The following ABHD18 variants were observed in gnomAD, a reference collection of about 807,000 sequenced individuals.
ABHD18 encodes the protein cardiolipin-specific deacylase, mitochondrial.
ABHD18 carries 55 observed loss-of-function variants against 65.9 expected under a neutral mutation model. The ratio of observed to expected loss-of-function variants is 0.84; its 90% confidence interval spans 0.67 to 1.05. The LOEUF (loss-of-function observed/expected upper bound fraction) is 1.05, where lower values mean the gene tolerates loss of function less well. Ranked by LOEUF, ABHD18 falls within the 50% of genes least tolerant of loss-of-function variation. ABHD18 has a pLI of 0.00. For synonymous variants in ABHD18, 181 were observed against 180.2 expected (o/e 1.00, Z -0.04); for missense variants, 533 against 558.5 (o/e 0.95, Z 0.46).
At chr4:128,011,186 G>A (rs868534032) in intron 6 of ABHD18, among the ~76,000 whole-genome samples, 13 of 143,268 alleles carry the variant, frequency 9.1e-5, no homozygotes, top group South Asian at 2.2e-4. Context: ...TCTCGCTGTC[G>A]CCCCAGGCTG....
At chr4:128,005,777 T>C (rs1293138542) in intron 4 of ABHD18, among the ~76,000 whole-genome samples, 1 of 152,218 alleles carries the variant, frequency 6.6e-6, no homozygotes, top group Non-Finnish European at 1.5e-5. Flanking sequence ...CATGAGATTT[T>C]AGAAGCGGGA....
At chr4:127,997,681 G>A (rs1404779506) in intron 4 of ABHD18, among the ~76,000 whole-genome samples, 2 of 152,264 alleles carry the variant, frequency 1.3e-5, no homozygotes, top group South Asian at 2.1e-4. Context: ...ACCACCTGGC[G>A]GCAGTAGGCA....
chr4:128,013,439 G>A (rs940005206), intron 7 of ABHD18, among the ~76,000 whole-genome samples: 1 of 152,036 alleles, frequency 6.6e-6, no homozygotes, highest in African/African-American at 2.4e-5. Context: ...AGTGGCTCAC[G>A]CCTGTAATCC....
intron 12 of ABHD18, among the ~76,000 whole-genome samples, chr4:128,034,627 T>G (rs1300963967): frequency 6.6e-6 from 1 of 152,058 alleles, no homozygotes; most frequent in Non-Finnish European, 1.5e-5. Context: ...TTATGGAAGA[T>G]AAAATTTGTC....
chr4:128,000,331 C>T (rs942870078), intron 4 of ABHD18, among the ~76,000 whole-genome samples: 3 of 152,194 alleles, frequency 2.0e-5, no homozygotes. Context: ...CAATTTCAAT[C>T]TTCTGCATAT....
In ABHD18 at chr4:127,979,915, C is replaced by CAAAA. The variant is rs59944314; in HGVS notation, c.-17-3007_-17-3004dup. 1.7e-3 allele frequency among the ~76,000 whole-genome samples: 116 copies of CAAAA among 66,376 alleles called. 2 individuals carry two copies. In the East Asian group the frequency reaches 0.021, roughly 12 times the overall value. 43.5% of individuals were successfully genotyped at this position (66,376 alleles called of 152,430 possible). ...TGAGCGACAGAGTGAGACTCCATCT[C>CAAAA]AAAAAAAAAAAAAAAAAAAAGACAA... On this transcript the variant is annotated intron_variant, in intron 1 of 12. Transcript: ENST00000645843.
chr4:128,009,832 TA>T (rs1754234678), intron 6 of ABHD18, among the ~76,000 whole-genome samples: 1 of 152,140 alleles, frequency 6.6e-6, no homozygotes, highest in African/African-American at 2.4e-5. Flanking sequence ...ATTCTAAGGA[TA>T]AAAACTAAGA....
In ABHD18 at chr4:128,036,314, A is replaced by G. The variant is rs868644266; in HGVS notation, c.*501A>G. 5.9e-5 allele frequency: 9 copies of G among 152,054 alleles called. No homozygotes were observed. Among genetic ancestry groups the G allele is most frequent in the African/African-American group, 2.2e-4 (9 of 41,428 alleles). The allele number at this position is 152,054 out of a possible 1,614,324, so 9.4% of individuals were successfully genotyped here. ...TCTGCTGTGGAAATAAATACTTATG[A>G]TATATAAAATCAGTGTTAACTTTGA... On this transcript the variant is annotated 3_prime_UTR_variant, in exon 13 of 13. Coordinates refer to ENST00000645843, the MANE Select transcript of ABHD18 (RefSeq NM_001358451.3).
chr4:128,022,843 T>C (rs1441350157), intron 10 of ABHD18, among the ~76,000 whole-genome samples: 1 of 151,356 alleles, frequency 6.6e-6, no homozygotes, highest in Non-Finnish European at 1.5e-5. Context: ...AGCTCTCAGC[T>C]CACTGCAACC....
At chr4:128,018,980 C>T (rs983202798) in intron 8 of ABHD18, among the ~76,000 whole-genome samples, 1 of 146,422 alleles carries the variant, frequency 6.8e-6, no homozygotes. Context: ...CACCACTGCA[C>T]TCTAGCGTGA....
intron 4 of ABHD18, among the ~76,000 whole-genome samples, 179 bp from the exon 5 acceptor site, chr4:128,008,741 T>A (rs1754059650): frequency 6.6e-6 from 1 of 152,226 alleles, no homozygotes; most frequent in South Asian, 2.1e-4. Flanking sequence ...AGAAAGCAGA[T>A]TTACAATATC....
intron 8 of ABHD18, 80 bp downstream of exon 8, chr4:128,017,581 A>G: frequency 7.7e-7 from 1 of 1,290,536 alleles, no homozygotes; most frequent in Non-Finnish European, 1.1e-6. Context: ...TTAAAAATTC[A>G]CTTTAGGTAT....
chr4:127,969,095 G>C (rs1746236116), intron 1 of ABHD18, among the ~76,000 whole-genome samples: 1 of 152,024 alleles, frequency 6.6e-6, no homozygotes, highest in African/African-American at 2.4e-5. Flanking sequence ...TTTATTAGTA[G>C]GTAAATATAG....
intron 3 of ABHD18, among the ~76,000 whole-genome samples, chr4:127,987,889 T>G (rs1750258532): frequency 6.6e-6 from 1 of 152,076 alleles, no homozygotes; most frequent in Admixed American, 6.6e-5. Context: ...ACATAGAACC[T>G]AGATCCATAC....
intron 4 of ABHD18, among the ~76,000 whole-genome samples, chr4:128,004,107 TG>T (rs1384389062): frequency 6.6e-6 from 1 of 152,164 alleles, no homozygotes; most frequent in Non-Finnish European, 1.5e-5. Flanking sequence ...CAAGATCAGT[TG>T]TTCTATTTGT....
chr4:128,010,565 T>C (rs1321088903), intron 6 of ABHD18, among the ~76,000 whole-genome samples: 1 of 148,942 alleles, frequency 6.7e-6, no homozygotes, highest in Non-Finnish European at 1.5e-5. Context: ...GATATAAAAC[T>C]CTATGGTGTG....
chr4:128,034,314 G>A (rs368022890), intron 12 of ABHD18, among the ~76,000 whole-genome samples: 1 of 152,180 alleles, frequency 6.6e-6, no homozygotes, highest in Non-Finnish European at 1.5e-5. Flanking sequence ...AACAGTAGAT[G>A]TGAGTGATGG....
At chr4:128,035,711 TC>T in intron 12 of ABHD18, 50 bp from the exon 13 acceptor site, 4 of 1,071,238 alleles carry the variant, frequency 3.7e-6, no homozygotes, top group South Asian at 3.0e-5. Context: ...GCATTGTTTG[TC>T]CCCCCTTTTT....
intron 1 of ABHD18, among the ~76,000 whole-genome samples, chr4:127,974,401 A>G (rs551943563): frequency 1.3e-5 from 2 of 151,472 alleles, no homozygotes; most frequent in South Asian, 2.1e-4. Flanking sequence ...ATAAGGTCTC[A>G]CTGTGTCACC....
Sources: allele counts gnomAD v4.1 joint callset (sites outside exome capture counted in the v4.1 genomes callset), GRCh38; gene constraint gnomAD v4.1.1; transcripts MANE v1.5; gene names NCBI Gene and HGNC (gene_info 2026-07-23, HGNC 2026-07-21).